The following NTRK2 variants were observed in gnomAD, a reference collection of about 807,000 sequenced individuals.
NTRK2 encodes the protein neurotrophic receptor tyrosine kinase 2.
NTRK2 carries 13 observed loss-of-function variants against 94.5 expected under a neutral mutation model. The ratio of observed to expected loss-of-function variants is 0.14; its 90% CI spans 0.09 to 0.22. The LOEUF is 0.22. Among genes scored for constraint, NTRK2 ranks in the 10% least tolerant of loss-of-function variants. The probability of loss-of-function intolerance (pLI) is 1.00; values close to 1 mark genes in which losing one functional copy is unlikely to be tolerated. For missense variants in NTRK2, 639 were observed against 1,071.2 expected, an observed-to-expected ratio of 0.60 and a Z score of 5.63; for synonymous variants, 372 against 407.4, an observed-to-expected ratio of 0.91 and a Z score of 1.05.
intron 16 of NTRK2, 25 bp downstream of exon 16, chr9:84,948,659 T>C: frequency 6.2e-7 from 1 of 1,612,278 alleles, no homozygotes; most frequent in Non-Finnish European, 8.5e-7. Context: ...GGAGGTGGGC[T>C]CCAGGAGGGA....
intron 9 of NTRK2, among the ~76,000 whole-genome samples, chr9:84,738,666 C>T (rs548522606): frequency 6.6e-6 from 1 of 152,290 alleles, no homozygotes; most frequent in African/African-American, 2.4e-5. Flanking sequence ...TTTTCATAAA[C>T]ATTAGGTCTC....
At chr9:84,824,230 C>T (rs2131603298) in intron 12 of NTRK2, among the ~76,000 whole-genome samples, 1 of 152,316 alleles carries the variant, frequency 6.6e-6, no homozygotes, top group Admixed American at 6.5e-5. Context: ...CAGGTGCTGG[C>T]TGTTGGCACT....
intron 14 of NTRK2, among the ~76,000 whole-genome samples, chr9:84,885,037 G>A (rs1438674482): frequency 6.6e-6 from 1 of 152,218 alleles, no homozygotes; most frequent in African/African-American, 2.4e-5. Flanking sequence ...GGAAAACTCA[G>A]TCTCTTTGCT....
chr9:84,832,803 G>T (rs1012668885), intron 12 of NTRK2, among the ~76,000 whole-genome samples: 1 of 152,164 alleles, frequency 6.6e-6, no homozygotes. Flanking sequence ...TTACGGAAGT[G>T]CTCCTGAGCT....
intron 16 of NTRK2, among the ~76,000 whole-genome samples, chr9:84,949,586 A>T (rs113021325): frequency 0.019 from 2,943 of 151,990 alleles, 48 homozygotes; most frequent in Middle Eastern, 0.031. Context: ...TCCCACCTCA[A>T]CCTCCCACGT....
chr9:84,672,839 C>T (rs1261445889), intron 2 of NTRK2, among the ~76,000 whole-genome samples: 1 of 152,198 alleles, frequency 6.6e-6, no homozygotes, highest in African/African-American at 2.4e-5. Context: ...TATCTGTCCT[C>T]ACAATTGTTG....
chr9:84,802,481 C>T (rs2070608540), intron 12 of NTRK2, among the ~76,000 whole-genome samples: 1 of 152,200 alleles, frequency 6.6e-6, no homozygotes, highest in Admixed American at 6.5e-5. Context: ...TTGGCACACG[C>T]CCCGCTGCTG....
At chr9:84,781,708 C>A (rs1196854883) in intron 12 of NTRK2, among the ~76,000 whole-genome samples, 1 of 152,048 alleles carries the variant, frequency 6.6e-6, no homozygotes, top group Non-Finnish European at 1.5e-5. Flanking sequence ...AATGATGGAA[C>A]AATGTAGGCA....
intron 17 of NTRK2, among the ~76,000 whole-genome samples, chr9:84,975,869 A>G (rs890950442): frequency 1.3e-5 from 2 of 152,054 alleles, no homozygotes; most frequent in African/African-American, 2.4e-5. Context: ...GGCTATTGAC[A>G]AAGGTGTAGA....
intron 12 of NTRK2, among the ~76,000 whole-genome samples, chr9:84,766,306 G>A (rs1406532378): frequency 6.6e-6 from 1 of 152,242 alleles, no homozygotes; most frequent in Middle Eastern, 3.4e-3. Flanking sequence ...CAGAGTGGGG[G>A]CCTGGGGAGG....
At chr9:84,675,324 CTTTTTTTTTTTTTTTT>C (rs536445167) in intron 2 of NTRK2, among the ~76,000 whole-genome samples, 3 of 67,324 alleles carry the variant, frequency 4.5e-5, no homozygotes, top group Non-Finnish European at 7.8e-5. Flanking sequence ...TCTTTCTTTC[CTTTTTTTTTTTTTTTT>C]TTTTTTTTTT....
intron 2 of NTRK2, among the ~76,000 whole-genome samples, chr9:84,674,732 T>C (rs2058924957): frequency 6.6e-6 from 1 of 152,206 alleles, no homozygotes; most frequent in Admixed American, 6.5e-5. Context: ...GCTGTCTTCA[T>C]AGTGTAGGTA....
rs1220621121 is a variant in NTRK2 at position 84,890,564 on chromosome 9, A to G, written c.1633+23133A>G. Among the ~76,000 whole-genome samples the G allele has an allele frequency of 2.6e-5, 4 of 152,230 alleles. No individual in the cohort carries two copies. The East Asian group carries it at 5.8e-4, about 22-fold the overall frequency. Reference sequence around the variant, plus strand: ...GGATCAGTTATAGCTGACCATTTGAATGAAATCTCCTAGTTACAGAAGCAG... The same window carrying G: ...GGATCAGTTATAGCTGACCATTTGAGTGAAATCTCCTAGTTACAGAAGCAG... On this transcript the variant is annotated intron_variant, in intron 14 of 18. Transcript: ENST00000277120.
At chr9:84,947,186 C>G (rs1255871959) in intron 15 of NTRK2, among the ~76,000 whole-genome samples, 1 of 152,126 alleles carries the variant, frequency 6.6e-6, no homozygotes, top group African/African-American at 2.4e-5. Context: ...GAACTCCTGA[C>G]CTTGGGTGAT....
chr9:84,950,884 G>C (rs941782270), intron 16 of NTRK2, among the ~76,000 whole-genome samples: 1 of 152,142 alleles, frequency 6.6e-6, no homozygotes, highest in African/African-American at 2.4e-5. Context: ...AAATCCTGGG[G>C]AAGTGGCACC....
intron 12 of NTRK2, among the ~76,000 whole-genome samples, chr9:84,799,455 A>T (rs2070112467): frequency 6.6e-6 from 1 of 152,194 alleles, no homozygotes; most frequent in Non-Finnish European, 1.5e-5. Flanking sequence ...TCTGTGGCAG[A>T]TGGTTATTTC....
At chr9:84,990,872 G>A (rs1828973489) in intron 17 of NTRK2, among the ~76,000 whole-genome samples, 1 of 152,110 alleles carries the variant, frequency 6.6e-6, no homozygotes, top group Admixed American at 6.5e-5. Flanking sequence ...AATGCTGAGG[G>A]GCACCCCACA....
intron 8 of NTRK2, 62 bp from the exon 9 acceptor site, chr9:84,727,592 A>C: frequency 1.3e-6 from 2 of 1,499,820 alleles, no homozygotes; most frequent in Non-Finnish European, 1.8e-6. Flanking sequence ...TGACACAGAC[A>C]TCTCGAGATG....
intron 12 of NTRK2, chr9:84,811,764 T>A: frequency 1.9e-6 from 2 of 1,065,650 alleles, no homozygotes; most frequent in Non-Finnish European, 2.3e-6. Context: ...GAGGGCAGCC[T>A]TAGAGCTGTG....
Sources: gnomAD v4.1 joint callset for allele counts (sites outside exome capture counted in the v4.1 genomes callset) on GRCh38, gnomAD v4.1.1 for gene constraint, MANE v1.5 for transcripts, NCBI Gene and HGNC (gene_info 2026-07-23, HGNC 2026-07-21) for gene names.